Variants in S1PR2 observed in about 807,000 individuals in gnomAD.
The protein encoded by S1PR2 is sphingosine 1-phosphate receptor 2.
A neutral mutation model predicts 16.1 loss-of-function variants in S1PR2; 9 were observed. The ratio of observed to expected loss-of-function variants is 0.56; its 90% CI spans 0.34 to 0.98. The LOEUF is 0.98. Among genes scored for constraint, S1PR2 ranks in the 50% least tolerant of loss-of-function variants. The pLI, the probability that S1PR2 is intolerant of heterozygous loss-of-function variation, is 0.02. For missense variants in S1PR2, 361 were observed against 488.4 expected (o/e 0.74, Z 2.46); for synonymous variants, 224 against 233.9 (o/e 0.96, Z 0.38).
intron 1 of S1PR2, among the ~76,000 whole-genome samples, chr19:10,225,390 ATTTTTTTTTTTT>A (rs35464657): frequency 1.2e-5 from 1 of 80,592 alleles, no homozygotes; most frequent in Non-Finnish European, 2.2e-5. Context: ...CGCCTGGCTA[ATTTTTTTTTTTT>A]TTTTTTTTTT....
chr19:10,224,443 A>G lies in S1PR2; in HGVS notation c.463T>C (p.Ser155Pro). 1 of 1,613,656 alleles carries G rather than the reference A, an allele frequency of 6.2e-7. No homozygotes were observed. The highest frequency in any genetic ancestry group is 8.5e-7 in the Non-Finnish European group (1 of 1,179,882). ...SCRMLLLIGA[S>P]WLISLVLGGL... ...CCGAGGACCAGCGAGATGAGCCACG[A>G]GGCCCCGATGAGCAGAAGCATGCGG... Residue 155 changes from serine to proline, a missense_variant, in exon 2 of 2, where the codon TCG becomes CCG. Physicochemically the swap from Ser to Pro is moderately conservative, Grantham distance 74. Transcript: ENST00000646641.
Position 10,224,041 on chromosome 19 carries a change from T to C in S1PR2, c.865A>G (p.Thr289Ala). The C allele has an allele frequency of 6.2e-7, 1 of 1,611,886 alleles. No individual in the cohort carries two copies. Among genetic ancestry groups the C allele is most frequent in the Non-Finnish European group, 8.5e-7 (1 of 1,179,988 alleles). ...LNSLLNPVIY[T>A]WRSRDLRREV... is the part of the protein sequence containing the mutation. ...CGCCGCAGGTCCCGGCTGCGCCACG[T>C]GTAGATGACGGGGTTGAGCAGGGAA... Residue 289 changes from threonine to alanine, a missense_variant, in exon 2 of 2, where the codon ACG (threonine) becomes GCG (alanine). Coordinates refer to ENST00000646641, the MANE Select transcript of S1PR2 (RefSeq NM_004230.4).
chr19:10,229,159 A>C (rs2039653942), intron 1 of S1PR2, among the ~76,000 whole-genome samples: 1 of 151,882 alleles, frequency 6.6e-6, no homozygotes, highest in Non-Finnish European at 1.5e-5. Flanking sequence ...CCTGCCGATG[A>C]AGCCTCCTCC....
intron 1 of S1PR2, among the ~76,000 whole-genome samples, 166 bp from the exon 2 acceptor site, chr19:10,225,113 CA>C (rs2039624379): frequency 6.6e-6 from 1 of 152,138 alleles, no homozygotes; most frequent in Non-Finnish European, 1.5e-5. Context: ...ACGGGAAACC[CA>C]GAGAGATTAA....
At chr19:10,230,664 C>T (rs555418327) in intron 1 of S1PR2, among the ~76,000 whole-genome samples, 4 of 152,370 alleles carry the variant, frequency 2.6e-5, no homozygotes, top group Admixed American at 6.5e-5. Flanking sequence ...GTCTGAGCCA[C>T]GCAGTCACTT....
chr19:10,224,547 A>T lies in S1PR2; in HGVS notation c.359T>A (p.Val120Asp), dbSNP rs1289186528. The change falls in exon 2 of 2, where the codon GTC (valine) becomes GAC (aspartate). Residue 120 changes from valine to aspartate, a missense_variant. Transcript: ENST00000646641. ...AATGGCGATGGCCAGGAGGCTGAAGACAGAGGCCGAGAGCGTGATGAAGGC... is the reference window on the plus strand; with the variant it reads ...AATGGCGATGGCCAGGAGGCTGAAGTCAGAGGCCGAGAGCGTGATGAAGGC... ...GSAFITLSAS[V>D]FSLLAIAIER... 6.2e-7 allele frequency: 1 copy of T among 1,613,768 alleles called. No individual in the cohort carries two copies. Among genetic ancestry groups the T allele is most frequent in the Non-Finnish European group, 8.5e-7 (1 of 1,180,054 alleles).
At chr19:10,230,905 G>C (rs2039672477) in intron 1 of S1PR2, among the ~76,000 whole-genome samples, 1 of 152,242 alleles carries the variant, frequency 6.6e-6, no homozygotes, top group South Asian at 2.1e-4. Flanking sequence ...CGGTCCCCGA[G>C]CACGGCGTCC....
intron 1 of S1PR2, among the ~76,000 whole-genome samples, chr19:10,227,263 G>A (rs1227776721): frequency 2.0e-5 from 3 of 152,150 alleles, no homozygotes; most frequent in Non-Finnish European, 2.9e-5. Flanking sequence ...CACCGTTCCA[G>A]AAAAGTCTGG....
intron 1 of S1PR2, among the ~76,000 whole-genome samples, chr19:10,227,108 G>C (rs1385597767): frequency 1.3e-5 from 2 of 151,938 alleles, no homozygotes; most frequent in East Asian, 3.9e-4. Context: ...TGGGGGTAGG[G>C]TTAGGGGTTG....
chr19:10,227,196 G>C (rs1399445862), intron 1 of S1PR2, among the ~76,000 whole-genome samples: 1 of 151,484 alleles, frequency 6.6e-6, no homozygotes, highest in African/African-American at 2.4e-5. Context: ...AGGGAGGGGG[G>C]AGAGTAGGGG....
chr19:10,229,097 C>T (rs1263142969), intron 1 of S1PR2, among the ~76,000 whole-genome samples: 3 of 151,924 alleles, frequency 2.0e-5, no homozygotes, highest in African/African-American at 7.3e-5. Flanking sequence ...CTCCATGTCA[C>T]TCCCCAACTC....
chr19:10,231,043 A>G (rs537511244), intron 1 of S1PR2, among the ~76,000 whole-genome samples, 161 bp downstream of exon 1: 1 of 152,278 alleles, frequency 6.6e-6, no homozygotes, highest in African/African-American at 2.4e-5. Flanking sequence ...GGCCGCCCGG[A>G]TTCTTGGAGA....
intron 1 of S1PR2, among the ~76,000 whole-genome samples, chr19:10,229,412 C>T (rs2145445502): frequency 6.6e-6 from 1 of 152,118 alleles, no homozygotes; most frequent in Non-Finnish European, 1.5e-5. Context: ...GCCTCAGCCT[C>T]CTGAGTAGCT....
chr19:10,228,569 G>A (rs540435679), intron 1 of S1PR2, among the ~76,000 whole-genome samples: 14 of 152,278 alleles, frequency 9.2e-5, no homozygotes, highest in African/African-American at 3.1e-4. Context: ...GGCGGTTGAC[G>A]CCTCCCAGAA....
intron 1 of S1PR2, among the ~76,000 whole-genome samples, chr19:10,227,629 T>C (rs2039643913): frequency 1.3e-5 from 2 of 152,330 alleles, no homozygotes; most frequent in African/African-American, 2.4e-5. Context: ...CATGCTCTGA[T>C]TGGCTCATTT....
chr19:10,230,638 A>G (rs2145447191), intron 1 of S1PR2, among the ~76,000 whole-genome samples: 1 of 152,286 alleles, frequency 6.6e-6, no homozygotes, highest in East Asian at 1.9e-4. Context: ...CCTGAGCCGG[A>G]GTTGAAAGAG....
rs35464657 is a variant in S1PR2 at position 10,225,390 on chromosome 19, A to ATTTTTTT, written c.-42-450_-42-444dup. On this transcript the variant is annotated intron_variant, in intron 1 of 1. Transcript: ENST00000646641. ...AAGCACATGCCACCACGCCTGGCTA[A>ATTTTTTT]TTTTTTTTTTTTTTTTTTTTTTTTG... 6.2e-5 allele frequency among the ~76,000 whole-genome samples: 5 copies of ATTTTTTT among 80,574 alleles called. 1 individual carries two copies. The highest frequency in any genetic ancestry group is 1.7e-4 in the Admixed American group (1 of 5,792). The allele number at this position is 80,574 out of a possible 152,430, so 52.9% of individuals were successfully genotyped here. A position where few individuals can be genotyped will look rare whatever the true frequency, so the allele number is the denominator to read the frequency against.
chr19:10,224,050 C>T lies in S1PR2; in HGVS notation c.856G>A (p.Val286Ile), dbSNP rs377336539. Residue 286 changes from valine (V) to isoleucine (I), a missense_variant, in exon 2 of 2, where the codon GTC becomes ATC. Physicochemically the swap from Val to Ile is conservative, Grantham distance 29. Transcript: ENST00000646641. ...VSTLNSLLNP[V>I]IYTWRSRDLR... ...TCCCGGCTGCGCCACGTGTAGATGACGGGGTTGAGCAGGGAATTCAGGGTG... is the reference window on the plus strand; with the variant it reads ...TCCCGGCTGCGCCACGTGTAGATGATGGGGTTGAGCAGGGAATTCAGGGTG... The T allele has an allele frequency of 3.4e-5, 54 of 1,610,680 alleles. No individual in the cohort carries two copies. Among genetic ancestry groups the T allele is most frequent in the Middle Eastern group, 1.6e-4 (1 of 6,084 alleles).
intron 1 of S1PR2, among the ~76,000 whole-genome samples, chr19:10,226,340 C>G (rs1382015147): frequency 2.6e-5 from 4 of 152,218 alleles, no homozygotes; most frequent in Non-Finnish European, 4.4e-5. Context: ...TGAAGGCAAT[C>G]CAGAATTTGC....
Sources: gnomAD v4.1 joint callset for allele counts (sites outside exome capture counted in the v4.1 genomes callset) on GRCh38, gnomAD v4.1.1 for gene constraint, MANE v1.5 for transcripts, NCBI Gene and HGNC (gene_info 2026-07-23, HGNC 2026-07-21) for gene names.